Variants in TMEM131L observed in about 807,000 individuals in gnomAD.
TMEM131L encodes the protein transmembrane 131 like, also known as transmembrane protein 131-like.
Under a neutral mutation model 192.2 loss-of-function variants are expected in TMEM131L, and 54 were observed. The ratio of observed to expected loss-of-function variants is 0.28; its 90% CI spans 0.23 to 0.35. TMEM131L has a LOEUF of 0.35. Among genes scored for constraint, TMEM131L ranks in the 10% least tolerant of loss-of-function variants. TMEM131L has a pLI of 1.00. For missense variants in TMEM131L, 1,888 were observed against 1,972.9 expected, an observed-to-expected ratio of 0.96 and a Z score of 0.82; for synonymous variants, 701 against 704.9, an observed-to-expected ratio of 0.99 and a Z score of 0.09.
At chr4:153,501,737 T>C (rs150588488) in intron 3 of TMEM131L, among the ~76,000 whole-genome samples, 11 of 152,194 alleles carry the variant, frequency 7.2e-5, no homozygotes, top group African/African-American at 2.6e-4. Flanking sequence ...TCCTCTATAC[T>C]GCTTATCTGA....
At chr4:153,505,491 T>C (rs1203127106) in intron 3 of TMEM131L, among the ~76,000 whole-genome samples, 1 of 152,162 alleles carries the variant, frequency 6.6e-6, no homozygotes, top group Non-Finnish European at 1.5e-5. Flanking sequence ...TTTACCTCTT[T>C]GAAGATCTTA....
At chr4:153,519,137 T>TA (rs1267799606) in intron 3 of TMEM131L, among the ~76,000 whole-genome samples, 1 of 152,148 alleles carries the variant, frequency 6.6e-6, no homozygotes, top group Admixed American at 6.5e-5. Context: ...TGAGAAGTCT[T>TA]ATGAGCATTG....
chr4:153,476,240 T>C (rs752009553), intron 3 of TMEM131L, among the ~76,000 whole-genome samples: 8 of 152,210 alleles, frequency 5.3e-5, no homozygotes, highest in Non-Finnish European at 7.3e-5. Flanking sequence ...ATTACAGGCA[T>C]GAGCCACCAC....
At chr4:153,511,957 CAA>C (rs1734387347) in intron 3 of TMEM131L, among the ~76,000 whole-genome samples, 1 of 152,094 alleles carries the variant, frequency 6.6e-6, no homozygotes, top group Non-Finnish European at 1.5e-5. Flanking sequence ...GTTAAATACA[CAA>C]ATTTTATTTG....
intron 2 of TMEM131L, among the ~76,000 whole-genome samples, chr4:153,468,344 A>G (rs759147449): frequency 3.9e-5 from 6 of 152,090 alleles, no homozygotes; most frequent in South Asian, 2.1e-4. Context: ...CTTGAAGGCC[A>G]GCAGCCTGAA....
At chr4:153,553,194 G>A (rs1737762020) in intron 4 of TMEM131L, among the ~76,000 whole-genome samples, 1 of 152,020 alleles carries the variant, frequency 6.6e-6, no homozygotes, top group African/African-American at 2.4e-5. Context: ...AATCATGTCC[G>A]TTGTCATTTG....
intron 21 of TMEM131L, 68 bp from the exon 22 acceptor site, chr4:153,602,084 C>G: frequency 1.0e-6 from 1 of 955,588 alleles, no homozygotes; most frequent in Non-Finnish European, 1.5e-6. Context: ...AAATATCGAT[C>G]CAATAAATTA....
intron 25 of TMEM131L, among the ~76,000 whole-genome samples, chr4:153,610,848 G>A (rs1193510645): frequency 6.6e-6 from 1 of 152,172 alleles, no homozygotes; most frequent in African/African-American, 2.4e-5. Flanking sequence ...AGAGCCTGCA[G>A]TCTGCTTTGC....
At chr4:153,562,186 C>A (rs551942818) in intron 7 of TMEM131L, among the ~76,000 whole-genome samples, 51 of 152,072 alleles carry the variant, frequency 3.4e-4, no homozygotes, top group African/African-American at 1.2e-3. Context: ...TACAGGCATG[C>A]ACCACCAAGC....
chr4:153,522,229 C>T (rs929107523), intron 3 of TMEM131L, among the ~76,000 whole-genome samples: 8 of 152,120 alleles, frequency 5.3e-5, no homozygotes, highest in African/African-American at 1.7e-4. Context: ...TGAAATGGGA[C>T]GTTCTCACCT....
rs894577578 is a variant in TMEM131L at position 153,496,860 on chromosome 4, C to CT, written c.239+22984dup. 9.6e-4 allele frequency among the ~76,000 whole-genome samples: 137 copies of CT among 142,686 alleles called. 1 individual carries two copies. In the Middle Eastern group the frequency reaches 0.011, roughly 12 times the overall value. The allele number at this position is 142,686 out of a possible 152,430, so 93.6% of individuals were successfully genotyped here. A position where few individuals can be genotyped will look rare whatever the true frequency, so the allele number is the denominator to read the frequency against. On this transcript the variant is annotated intron_variant, in intron 3 of 34. Coordinates refer to ENST00000409959, the MANE Select transcript of TMEM131L (RefSeq NM_001131007.2). ...AGCCACTGTACTTGGCCTATGAAGA[C>CT]TTTTTTTTTTTTGTTTTTGAGACAG...
At chr4:153,510,290 C>T (rs1424753024) in intron 3 of TMEM131L, among the ~76,000 whole-genome samples, 1 of 152,084 alleles carries the variant, frequency 6.6e-6, no homozygotes, top group Non-Finnish European at 1.5e-5. Flanking sequence ...TTTCAAGGGA[C>T]ATGCAGGCAT....
rs572264358 is a variant in TMEM131L at position 153,598,841 on chromosome 4, T to G, written c.2266+109T>G. ...AATTCTAAAATTTTAAATTTTTAAA[T>G]TCTAAAAATTTATAGTAAATTCATT... is the stretch of plus-strand genomic sequence containing the variant. On this transcript the variant is annotated intron_variant, in intron 21 of 34. Transcript: ENST00000409959. 3.4e-6 allele frequency: 3 copies of G among 884,164 alleles called. No individual in the cohort carries two copies. In the East Asian group the frequency reaches 9.6e-5, roughly 28 times the overall value. 54.8% of individuals were successfully genotyped at this position (884,164 alleles called of 1,614,324 possible).
intron 3 of TMEM131L, among the ~76,000 whole-genome samples, chr4:153,475,015 A>G (rs1731430477): frequency 6.6e-6 from 1 of 152,152 alleles, no homozygotes; most frequent in South Asian, 2.1e-4. Flanking sequence ...GTATCTCCTA[A>G]AGCTGATCTG....
intron 3 of TMEM131L, among the ~76,000 whole-genome samples, chr4:153,513,403 T>C (rs191659790): frequency 2.6e-4 from 40 of 152,286 alleles, no homozygotes; most frequent in East Asian, 2.5e-3. Context: ...ATTTATCAAA[T>C]GAGTAAACTG....
chr4:153,587,783 G>T lies in TMEM131L; in HGVS notation c.1524G>T (p.Met508Ile). ...LGFEVIAHCGMHYFMGKSKAG... is the reference protein window; with the variant it reads ...LGFEVIAHCGIHYFMGKSKAG... The stretch of plus-strand genomic sequence containing the variant: ...TTGAAGTGATAGCACATTGTGGCAT[G>T]CATTATTTCATGGGAAAATCAAAAG... The change falls in exon 15 of 35, where the codon ATG (methionine) becomes ATT (isoleucine). Residue 508 changes from methionine to isoleucine, a missense_variant. Transcript: ENST00000409959. The T allele has an allele frequency of 6.2e-7, 1 of 1,613,570 alleles. No individual in the cohort carries two copies.
intron 25 of TMEM131L, among the ~76,000 whole-genome samples, chr4:153,611,675 T>C (rs73856934): frequency 7.2e-4 from 109 of 152,310 alleles, no homozygotes; most frequent in African/African-American, 2.5e-3. Flanking sequence ...GTCTACTTTC[T>C]GTCTCTATGA....
chr4:153,630,704 G>A (rs954624532), intron 31 of TMEM131L, among the ~76,000 whole-genome samples: 1 of 152,190 alleles, frequency 6.6e-6, no homozygotes, highest in Non-Finnish European at 1.5e-5. Context: ...TAGGATGTGC[G>A]TGAACCAGTT....
intron 7 of TMEM131L, 101 bp downstream of exon 7, chr4:153,558,469 A>G (rs901744779): frequency 2.8e-5 from 16 of 578,834 alleles, no homozygotes; most frequent in Admixed American, 5.6e-5. Context: ...AAAAAATTAT[A>G]TAGAAGTAAT....
Sources: allele counts gnomAD v4.1 joint callset (sites outside exome capture counted in the v4.1 genomes callset), GRCh38; gene constraint gnomAD v4.1.1; transcripts MANE v1.5; gene names NCBI Gene and HGNC (gene_info 2026-07-23, HGNC 2026-07-21).